GRIN2B: variants seen among roughly 807,000 people sequenced by gnomAD.
GRIN2B encodes the protein glutamate receptor ionotropic, NMDA 2B.
GRIN2B carries 5 observed loss-of-function variants against 114.5 expected under a neutral mutation model. The ratio of observed to expected loss-of-function variants is 0.04; its 90% CI spans 0.02 to 0.09. The LOEUF (loss-of-function observed/expected upper bound fraction) is 0.09. Ranked by LOEUF, GRIN2B falls within the 10% of genes least tolerant of loss-of-function variation. The probability of loss-of-function intolerance (pLI) is 1.00; values close to 1 mark genes in which losing one functional copy is unlikely to be tolerated. For synonymous variants in GRIN2B, 787 were observed against 745.1 expected, an observed-to-expected ratio of 1.06 and a Z score of -0.92; for missense variants, 1,108 against 1,943.5, an observed-to-expected ratio of 0.57 and a Z score of 8.08.
At chr12:13,915,287 C>T (rs756180921) in intron 2 of GRIN2B, among the ~76,000 whole-genome samples, 1 of 152,176 alleles carries the variant, frequency 6.6e-6, no homozygotes, top group Non-Finnish European at 1.5e-5. Context: ...ACGTTAGTCA[C>T]ACTGTACTTA....
intron 3 of GRIN2B, among the ~76,000 whole-genome samples, chr12:13,851,339 T>C (rs1865561893): frequency 1.3e-5 from 2 of 152,172 alleles, no homozygotes; most frequent in Non-Finnish European, 2.9e-5. Context: ...TTCTTTTCAT[T>C]TTTCTCCAAC....
chr12:13,903,182 A>C (rs1866483369), intron 2 of GRIN2B, among the ~76,000 whole-genome samples: 1 of 152,158 alleles, frequency 6.6e-6, no homozygotes, highest in South Asian at 2.1e-4. Flanking sequence ...AGTTTAAAAA[A>C]AACTTTACGT....
intron 3 of GRIN2B, among the ~76,000 whole-genome samples, chr12:13,791,686 A>G (rs7310950): frequency 0.049 from 7,399 of 152,178 alleles, 300 homozygotes; most frequent in African/African-American, 0.096. Flanking sequence ...TAACTAAATA[A>G]TTCTTTATTA....
intron 4 of GRIN2B, among the ~76,000 whole-genome samples, chr12:13,703,892 G>C (rs1338014447): frequency 6.6e-6 from 1 of 152,094 alleles, no homozygotes; most frequent in Non-Finnish European, 1.5e-5. Context: ...CACTCACAAT[G>C]ACATGCAGAT....
chr12:13,861,955 C>G (rs568025510), intron 3 of GRIN2B, among the ~76,000 whole-genome samples: 1 of 152,328 alleles, frequency 6.6e-6, no homozygotes, highest in Admixed American at 6.5e-5. Flanking sequence ...TAATCCTCGA[C>G]AACCCTGTAA....
chr12:13,607,410 A>T (rs1431494604), intron 10 of GRIN2B, among the ~76,000 whole-genome samples: 1 of 77,508 alleles, frequency 1.3e-5, no homozygotes, highest in Non-Finnish European at 2.2e-5. Context: ...AATATATAAA[A>T]TATATAATAT....
rs564563673 is a variant in GRIN2B at position 13,965,688 on chromosome 12, T to G, written c.-19+14240A>C. Among the ~76,000 whole-genome samples, 184 of 152,326 alleles carry G rather than the reference T, an allele frequency of 1.2e-3. 1 individual carries two copies. Among genetic ancestry groups the G allele is most frequent in the South Asian group, 2.9e-3 (14 of 4,832 alleles). ...GGCTTTTACTGCTTTCCCTTTAATT[T>G]CTCATATAACTAAAGTTTTTCATTT... On this transcript the variant is annotated intron_variant, in intron 2 of 13. Coordinates refer to ENST00000609686, the MANE Select transcript of GRIN2B (RefSeq NM_000834.5).
At chr12:13,734,707 C>T (rs761488476) in intron 4 of GRIN2B, among the ~76,000 whole-genome samples, 1 of 152,160 alleles carries the variant, frequency 6.6e-6, no homozygotes, top group Non-Finnish European at 1.5e-5. Context: ...GTTTGCACAT[C>T]TATGTGCTAT....
intron 2 of GRIN2B, among the ~76,000 whole-genome samples, chr12:13,920,948 T>G (rs1185708736): frequency 6.6e-6 from 1 of 152,170 alleles, no homozygotes; most frequent in African/African-American, 2.4e-5. Context: ...AGTTGCAGGA[T>G]TTGTACCAAT....
At chr12:13,713,226 A>C (rs1281932920) in intron 4 of GRIN2B, among the ~76,000 whole-genome samples, 2 of 151,686 alleles carry the variant, frequency 1.3e-5, no homozygotes, top group African/African-American at 4.8e-5. Flanking sequence ...TTTTTCCCCT[A>C]CTCTTGGTCC....
intron 8 of GRIN2B, among the ~76,000 whole-genome samples, chr12:13,612,188 T>G (rs2136475194): frequency 6.6e-6 from 1 of 152,372 alleles, no homozygotes; most frequent in South Asian, 2.1e-4. Context: ...TGTATTGGAC[T>G]GACTCAATTT....
chr12:13,617,737 AC>A (rs758296083), intron 5 of GRIN2B, among the ~76,000 whole-genome samples: 29 of 152,254 alleles, frequency 1.9e-4, no homozygotes, highest in African/African-American at 2.9e-4. Context: ...CAGGTGAGGC[AC>A]CAGGAACTAC....
intron 3 of GRIN2B, among the ~76,000 whole-genome samples, chr12:13,806,912 TA>T (rs1473643088): frequency 2.6e-5 from 4 of 151,996 alleles, no homozygotes; most frequent in Non-Finnish European, 4.4e-5. Context: ...AGATAAGGGT[TA>T]AAAAATCCAT....
At chr12:13,666,292 A>G (rs1194620676) in intron 5 of GRIN2B, among the ~76,000 whole-genome samples, 1 of 152,172 alleles carries the variant, frequency 6.6e-6, no homozygotes, top group Non-Finnish European at 1.5e-5. Context: ...GACAGAACTA[A>G]GACCTGGAAC....
At chr12:13,606,741 T>C (rs1949254762) in intron 10 of GRIN2B, among the ~76,000 whole-genome samples, 1 of 151,838 alleles carries the variant, frequency 6.6e-6, no homozygotes, top group Non-Finnish European at 1.5e-5. Context: ...GAAAAGGAGG[T>C]GTGCAACTCA....
At chr12:13,816,647 A>G (rs1258267857) in intron 3 of GRIN2B, among the ~76,000 whole-genome samples, 2 of 152,146 alleles carry the variant, frequency 1.3e-5, no homozygotes, top group Non-Finnish European at 2.9e-5. Context: ...CTGAAACTAA[A>G]GCATCGCTCC....
intron 4 of GRIN2B, among the ~76,000 whole-genome samples, chr12:13,719,928 C>T (rs1213876695): frequency 2.6e-5 from 4 of 152,032 alleles, no homozygotes; most frequent in Non-Finnish European, 5.9e-5. Context: ...TTGTGAAAAA[C>T]TTCCAGTCCA....
chr12:13,540,943 AG>A lies in GRIN2B; in HGVS notation c.*21839del, dbSNP rs1948270375. 1.3e-5 allele frequency: 2 copies of A among 152,244 alleles called. No homozygotes were observed. 9.4% of individuals were successfully genotyped at this position (152,244 alleles called of 1,614,324 possible). A position where few individuals can be genotyped will look rare whatever the true frequency, so the allele number is the denominator to read the frequency against. On this transcript the variant is annotated 3_prime_UTR_variant, in exon 14 of 14. Coordinates refer to ENST00000609686, the MANE Select transcript of GRIN2B (RefSeq NM_000834.5). ...TGCCATGTGACTTTGGGAGGGGTGC[AG>A]CTGTGAATTTGCAACGCAACCCCAT...
intron 4 of GRIN2B, among the ~76,000 whole-genome samples, chr12:13,689,775 C>T (rs918065): frequency 0.16 from 25,079 of 152,172 alleles, 2,213 homozygotes; most frequent in South Asian, 0.2. Flanking sequence ...ATTCTCTCAT[C>T]TTTACATGAA....
Sources: gnomAD v4.1 joint callset for allele counts (sites outside exome capture counted in the v4.1 genomes callset) on GRCh38, gnomAD v4.1.1 for gene constraint, MANE v1.5 for transcripts, NCBI Gene and HGNC (gene_info 2026-07-23, HGNC 2026-07-21) for gene names.